The following LRP1B variants were observed in gnomAD, a reference collection of about 807,000 sequenced individuals.
LRP1B encodes the protein LDL receptor related protein 1B, also known as low-density lipoprotein receptor-related protein 1B.
LRP1B carries 217 observed loss-of-function variants against 556.6 expected under a neutral mutation model. The observed-to-expected ratio is 0.39, with a 90% CI of 0.35 to 0.44. The LOEUF (loss-of-function observed/expected upper bound fraction) is 0.44, where lower values mean the gene tolerates loss of function less well. Among genes scored for constraint, LRP1B ranks in the 20% least tolerant of loss-of-function variants. The probability of loss-of-function intolerance (pLI) is 1.00; values close to 1 mark genes in which losing one functional copy is unlikely to be tolerated. For synonymous variants in LRP1B, 2,047 were observed against 1,865.8 expected, an observed-to-expected ratio of 1.10 and a Z score of -2.50; for missense variants, 5,053 against 5,620.8, an observed-to-expected ratio of 0.90 and a Z score of 3.23.
chr2:141,941,301 G>A (rs1472265027), intron 1 of LRP1B, among the ~76,000 whole-genome samples: 1 of 152,208 alleles, frequency 6.6e-6, no homozygotes, highest in African/African-American at 2.4e-5. Flanking sequence ...CCAGTAGCAA[G>A]TAGAATATTA....
intron 1 of LRP1B, among the ~76,000 whole-genome samples, chr2:141,853,962 C>T (rs1168183250): frequency 1.3e-5 from 2 of 151,856 alleles, no homozygotes; most frequent in African/African-American, 2.4e-5. Flanking sequence ...TACATGTTTG[C>T]AAGGTTAAGA....
intron 35 of LRP1B, among the ~76,000 whole-genome samples, chr2:140,764,725 C>CTGTATGTG (rs1689042619): frequency 2.0e-5 from 3 of 152,150 alleles, no homozygotes; most frequent in Non-Finnish European, 2.9e-5. Flanking sequence ...GCCTTGCCCA[C>CTGTATGTG]TATCAACATC....
chr2:140,260,678 C>G (rs919470736), intron 86 of LRP1B, among the ~76,000 whole-genome samples: 1 of 151,612 alleles, frequency 6.6e-6, no homozygotes, highest in Non-Finnish European at 1.5e-5. Flanking sequence ...CCTATATAGC[C>G]AGATGGCCCA....
At chr2:140,262,420 A>T (rs1681987366) in intron 86 of LRP1B, among the ~76,000 whole-genome samples, 1 of 152,182 alleles carries the variant, frequency 6.6e-6, no homozygotes, top group Non-Finnish European at 1.5e-5. Flanking sequence ...TCATCATCTT[A>T]AAGAGGAAGA....
rs1177669719 is a variant in LRP1B at position 140,514,645 on chromosome 2, C to T, written c.8269+8G>A. 1 of 1,607,220 alleles carries T rather than the reference C, an allele frequency of 6.2e-7. No individual in the cohort carries two copies. Among genetic ancestry groups the T allele is most frequent in the South Asian group, 1.1e-5 (1 of 89,834 alleles). On this transcript the variant is annotated splice_region_variant and intron_variant, in intron 51 of 90. Transcript: ENST00000389484. ...AAACTGATTGAGGACAGAAGATACACAACTTACCACAAATGCTGTCACTTT... is the reference window on the plus strand; with the variant it reads ...AAACTGATTGAGGACAGAAGATACATAACTTACCACAAATGCTGTCACTTT...
At chr2:141,827,166 T>C (rs761686243) in intron 1 of LRP1B, among the ~76,000 whole-genome samples, 1 of 152,232 alleles carries the variant, frequency 6.6e-6, no homozygotes, top group Non-Finnish European at 1.5e-5. Context: ...CTCAGAAAGA[T>C]AGCTTCAGAG....
intron 2 of LRP1B, among the ~76,000 whole-genome samples, chr2:141,489,606 T>C (rs1226276944): frequency 6.6e-6 from 1 of 152,012 alleles, no homozygotes; most frequent in Non-Finnish European, 1.5e-5. Context: ...AATCACATAA[T>C]ATCTTTACAG....
intron 60 of LRP1B, among the ~76,000 whole-genome samples, chr2:140,467,780 T>C (rs566644273): frequency 2.0e-5 from 3 of 152,218 alleles, no homozygotes; most frequent in African/African-American, 7.2e-5. Context: ...TAAAATAGAA[T>C]ATCTGCCAGA....
chr2:140,291,212 T>C (rs1206850986), intron 84 of LRP1B, among the ~76,000 whole-genome samples: 1 of 149,326 alleles, frequency 6.7e-6, no homozygotes, highest in Non-Finnish European at 1.5e-5. Flanking sequence ...GCATATGCTG[T>C]TCCCCCTTGC....
At chr2:141,845,733 A>G (rs866427713) in intron 1 of LRP1B, among the ~76,000 whole-genome samples, 1 of 152,010 alleles carries the variant, frequency 6.6e-6, no homozygotes, top group African/African-American at 2.4e-5. Flanking sequence ...ATGAAAGACA[A>G]TATCATTACT....
intron 2 of LRP1B, among the ~76,000 whole-genome samples, chr2:141,797,421 A>G (rs1034033281): frequency 6.6e-6 from 1 of 151,840 alleles, no homozygotes; most frequent in African/African-American, 2.4e-5. Flanking sequence ...TCTGTGTGTC[A>G]TATTTAGCTA....
At chr2:141,158,776 T>C (rs961084340) in intron 7 of LRP1B, among the ~76,000 whole-genome samples, 2 of 152,146 alleles carry the variant, frequency 1.3e-5, no homozygotes, top group Non-Finnish European at 2.9e-5. Flanking sequence ...CGGAGAACAT[T>C]ACAAGTAGCA....
At chr2:140,248,361 TAATA>T (rs1211784932) in intron 86 of LRP1B, among the ~76,000 whole-genome samples, 8 of 151,648 alleles carry the variant, frequency 5.3e-5, no homozygotes, top group East Asian at 1.9e-4. Flanking sequence ...GTTATTTAAT[TAATA>T]AATGATAAAT....
At chr2:142,089,290 C>A (rs1417524702) in intron 1 of LRP1B, among the ~76,000 whole-genome samples, 1 of 152,074 alleles carries the variant, frequency 6.6e-6, no homozygotes, top group African/African-American at 2.4e-5. Flanking sequence ...AATTATAAAA[C>A]ACGGGCTACC....
At chr2:141,415,461 T>C (rs1691062970) in intron 3 of LRP1B, among the ~76,000 whole-genome samples, 1 of 152,220 alleles carries the variant, frequency 6.6e-6, no homozygotes, top group African/African-American at 2.4e-5. Flanking sequence ...TAAATGTATA[T>C]ACTATTGTGC....
intron 3 of LRP1B, among the ~76,000 whole-genome samples, chr2:141,362,914 C>A (rs1327630147): frequency 2.0e-5 from 3 of 151,922 alleles, no homozygotes; most frequent in Non-Finnish European, 2.9e-5. Flanking sequence ...ATTCCAAAAG[C>A]TTGGTAAAAA....
At chr2:140,584,571 A>C (rs1419320244) in intron 43 of LRP1B, among the ~76,000 whole-genome samples, 1 of 152,160 alleles carries the variant, frequency 6.6e-6, no homozygotes, top group Non-Finnish European at 1.5e-5. Context: ...CATCAGTATC[A>C]GTATCTCATG....
At chr2:140,796,591 C>T (rs1269693386) in intron 32 of LRP1B, among the ~76,000 whole-genome samples, 1 of 151,944 alleles carries the variant, frequency 6.6e-6, no homozygotes, top group African/African-American at 2.4e-5. Context: ...TCATATATTG[C>T]TGTTACTTTA....
intron 35 of LRP1B, among the ~76,000 whole-genome samples, chr2:140,766,836 TA>T (rs1559106249): frequency 5.0e-5 from 1 of 20,082 alleles, no homozygotes; most frequent in East Asian, 0.02. Flanking sequence ...TATATATATA[TA>T]TATATATTAT....
Sources: allele counts gnomAD v4.1 joint callset (sites outside exome capture counted in the v4.1 genomes callset), GRCh38; gene constraint gnomAD v4.1.1; transcripts MANE v1.5; gene names NCBI Gene and HGNC (gene_info 2026-07-23, HGNC 2026-07-21).